Variants in ANKRD36C observed in about 807,000 individuals in gnomAD.
ANKRD36C encodes the protein ankyrin repeat domain-containing protein 36C.
A neutral mutation model predicts 276.4 loss-of-function variants in ANKRD36C; 61 were observed. The observed-to-expected ratio is 0.22, with a 90% CI of 0.18 to 0.27. The LOEUF is 0.27. ANKRD36C is among the 10% of genes least tolerant of loss of function. ANKRD36C has a pLI of 1.00. For synonymous variants in ANKRD36C, 483 were observed against 680.1 expected, an observed-to-expected ratio of 0.71 and a Z score of 4.51; for missense variants, 1,447 against 2,032.3, an observed-to-expected ratio of 0.71 and a Z score of 5.54.
At chr2:95,885,501 T>G (rs1676179099) in intron 52 of ANKRD36C, among the ~76,000 whole-genome samples, 1 of 151,368 alleles carries the variant, frequency 6.6e-6, no homozygotes, top group African/African-American at 2.4e-5. Context: ...CAAATTTATC[T>G]GAAGTGAGTT....
At chr2:95,975,597 C>A (rs1416215634) in intron 6 of ANKRD36C, among the ~76,000 whole-genome samples, 1 of 152,112 alleles carries the variant, frequency 6.6e-6, no homozygotes, top group Non-Finnish European at 1.5e-5. Context: ...AAACTGGATC[C>A]CTTCCTTACA....
intron 12 of ANKRD36C, 29 bp downstream of exon 12, chr2:95,958,562 A>C: frequency 6.5e-7 from 1 of 1,533,466 alleles, no homozygotes; most frequent in Non-Finnish European, 8.8e-7. Context: ...TTCAGTGTAC[A>C]TGGCATTAAA....
intron 6 of ANKRD36C, among the ~76,000 whole-genome samples, chr2:95,973,091 T>C (rs1048292946): frequency 2.0e-5 from 3 of 151,848 alleles, no homozygotes; most frequent in African/African-American, 7.3e-5. Context: ...CACTCCAGCC[T>C]GGGAAACAGA....
exon 63 of ANKRD36C, chr2:95,855,780 C>T (rs763612092): frequency 2.5e-6 from 4 of 1,613,688 alleles, no homozygotes; most frequent in Non-Finnish European, 8.5e-7. Flanking sequence ...ATCTACTGTG[C>T]CCTGGAAAGC....
At chr2:95,937,041 G>A (rs1382914981) in intron 22 of ANKRD36C, among the ~76,000 whole-genome samples, 1 of 152,298 alleles carries the variant, frequency 6.6e-6, no homozygotes, top group African/African-American at 2.4e-5. Flanking sequence ...AGCAAACTAT[G>A]TTACATATTT....
chr2:95,984,870 A>G (rs2104541814), intron 3 of ANKRD36C, among the ~76,000 whole-genome samples: 1 of 152,300 alleles, frequency 6.6e-6, no homozygotes, highest in South Asian at 2.1e-4. Context: ...TCTAATAATG[A>G]CCTATATGTA....
intron 24 of ANKRD36C, among the ~76,000 whole-genome samples, chr2:95,932,391 T>A (rs62153745): frequency 1.6e-4 from 25 of 151,818 alleles, no homozygotes; most frequent in African/African-American, 6.1e-4. Flanking sequence ...ACTGGGTCAA[T>A]GTGGATAGAT....
intron 38 of ANKRD36C, among the ~76,000 whole-genome samples, chr2:95,914,556 C>A (rs1477608195): frequency 6.6e-6 from 1 of 151,316 alleles, no homozygotes; most frequent in South Asian, 2.1e-4. Context: ...AAAATAAAAC[C>A]GTGTCAATCT....
chr2:95,893,767 G>A (rs1269071114), intron 44 of ANKRD36C, 43 bp from the exon 63 acceptor site: 16 of 1,602,870 alleles, frequency 1.0e-5, no homozygotes, highest in Non-Finnish European at 1.4e-5. Flanking sequence ...ATGTAAATAT[G>A]ACAAAGATAT....
chr2:95,872,459 T>C (rs1259103230), intron 59 of ANKRD36C, among the ~76,000 whole-genome samples: 1 of 151,882 alleles, frequency 6.6e-6, no homozygotes, highest in Non-Finnish European at 1.5e-5. Flanking sequence ...AGATGTTCTT[T>C]GAAACCAACG....
rs1227905007 is a variant in ANKRD36C at position 95,890,061 on chromosome 2, C to G, written c.2858-67G>C. The G allele has an allele frequency of 4.5e-6, 7 of 1,552,660 alleles. No individual in the cohort carries two copies. The East Asian group carries it at 1.6e-4, about 35-fold the overall frequency. ...TGATAAAGTTATTCATACATTCATA[C>G]AGTGTTAGCATCAATCTCTGTCCTC... On this transcript the variant is annotated intron_variant, in intron 46 of 66. Coordinates refer to ENST00000456556, the Ensembl canonical transcript of ANKRD36C.
At chr2:95,884,270 A>T in intron 53 of ANKRD36C, 25 bp from the exon 74 acceptor site, 1 of 1,609,920 alleles carries the variant, frequency 6.2e-7, no homozygotes, top group Non-Finnish European at 8.5e-7. Flanking sequence ...AAACAAAATA[A>T]TAAATCAATA....
intron 6 of ANKRD36C, among the ~76,000 whole-genome samples, chr2:95,970,220 G>C (rs1678671174): frequency 6.6e-6 from 1 of 152,194 alleles, no homozygotes; most frequent in Non-Finnish European, 1.5e-5. Context: ...GCCTAAGAGA[G>C]ATCAGTGTCC....
chr2:95,916,045 C>T (rs1270419768), exon 38 of ANKRD36C: 2 of 1,583,670 alleles, frequency 1.3e-6, no homozygotes, highest in East Asian at 2.3e-5. Flanking sequence ...TTTCTCATCA[C>T]TTGTAGCCTG....
chr2:95,897,391 A>G, intron 44 of ANKRD36C, 46 bp downstream of exon 59: 1 of 1,548,820 alleles, frequency 6.5e-7, no homozygotes, highest in Admixed American at 1.9e-5. Context: ...TATGTTTCAT[A>G]GACTATACAT....
At chr2:95,963,982 T>TATATAA (rs1678525074) in intron 6 of ANKRD36C, among the ~76,000 whole-genome samples, 1 of 14,230 alleles carries the variant, frequency 7.0e-5, no homozygotes, top group African/African-American at 5.5e-4. Context: ...AATATATATA[T>TATATAA]ATATATATAT....
In ANKRD36C at chr2:95,882,508, A is replaced by T; in HGVS notation, c.3266-11T>A. On this transcript the variant is annotated splice_polypyrimidine_tract_variant and intron_variant, in intron 54 of 66. Transcript: ENST00000456556. ...GTTTCTGAGGAGACACTGAAAAGTAAAAGAAATATATAATCCATCATATGT... is the reference window on the plus strand; with the variant it reads ...GTTTCTGAGGAGACACTGAAAAGTATAAGAAATATATAATCCATCATATGT... 3 of 1,550,934 alleles carry T rather than the reference A, an allele frequency of 1.9e-6. No individual in the cohort carries two copies. The highest frequency in any genetic ancestry group is 2.6e-6 in the Non-Finnish European group (3 of 1,148,524).
At chr2:95,938,141 C>T (rs1011011535) in intron 22 of ANKRD36C, among the ~76,000 whole-genome samples, 1 of 152,250 alleles carries the variant, frequency 6.6e-6, no homozygotes, top group African/African-American at 2.4e-5. Context: ...TATGAAAGTG[C>T]AAGTATCTTG....
chr2:95,964,247 C>A (rs953691920), intron 6 of ANKRD36C, among the ~76,000 whole-genome samples: 2 of 150,762 alleles, frequency 1.3e-5, no homozygotes, highest in Non-Finnish European at 3.0e-5. Flanking sequence ...GTGAACGAAG[C>A]ACATATCATT....
Sources: allele counts gnomAD v4.1 joint callset (sites outside exome capture counted in the v4.1 genomes callset), GRCh38; gene constraint gnomAD v4.1.1; transcripts MANE v1.5; gene names NCBI Gene and HGNC (gene_info 2026-07-23, HGNC 2026-07-21).